Variants in EXOC4 observed in about 807,000 individuals in gnomAD.
The protein encoded by EXOC4 is SEC8-like 1.
EXOC4 carries 71 observed loss-of-function variants against 107.2 expected under a neutral mutation model. The ratio of observed to expected loss-of-function variants is 0.66; its 90% CI spans 0.55 to 0.81. EXOC4 has a LOEUF of 0.81. Among genes scored for constraint, EXOC4 ranks in the 30% least tolerant of loss-of-function variants. The pLI is 0.00. For missense variants in EXOC4, 1,108 were observed against 1,189.6 expected (o/e 0.93, Z 1.01); for synonymous variants, 456 against 441.2 (o/e 1.03, Z -0.42).
rs543363242 is a variant in EXOC4, at chr7:133,377,239, A to G, written c.1182+2237A>G. 7.2e-5 allele frequency among the ~76,000 whole-genome samples: 11 copies of G among 152,274 alleles called. No individual in the cohort carries two copies. In the South Asian group the frequency reaches 2.1e-3, roughly 29 times the overall value. On this transcript the variant is annotated intron_variant, in intron 7 of 17. Coordinates refer to ENST00000253861, the MANE Select transcript of EXOC4 (RefSeq NM_021807.4). ...CGTGGTGGCAGGCACCTGTAATCCC[A>G]GCTACTCAGGAAGCTGAGGCAGCAG... is the stretch of plus-strand genomic sequence containing the variant.
chr7:133,666,078 G>A (rs996964052), intron 10 of EXOC4, among the ~76,000 whole-genome samples: 8 of 152,198 alleles, frequency 5.3e-5, no homozygotes, highest in African/African-American at 1.7e-4. Flanking sequence ...AGAGTGCTCT[G>A]CCATATTGAT....
chr7:133,859,636 C>T (rs891546491), intron 11 of EXOC4, among the ~76,000 whole-genome samples: 1 of 152,152 alleles, frequency 6.6e-6, no homozygotes, highest in Non-Finnish European at 1.5e-5. Context: ...TCATGCCATC[C>T]TTGAACACTT....
At chr7:133,629,349 C>G (rs1363612880) in intron 9 of EXOC4, among the ~76,000 whole-genome samples, 1 of 152,120 alleles carries the variant, frequency 6.6e-6, no homozygotes, top group African/African-American at 2.4e-5. Context: ...GAATGGCAGG[C>G]ACTTCATCCT....
intron 1 of EXOC4, among the ~76,000 whole-genome samples, chr7:133,272,080 A>G (rs1018897384): frequency 3.0e-4 from 45 of 152,264 alleles, no homozygotes; most frequent in African/African-American, 8.9e-4. Flanking sequence ...AACGACAACA[A>G]CCAACATTTG....
At chr7:133,428,306 C>T (rs1017865118) in intron 7 of EXOC4, among the ~76,000 whole-genome samples, 6 of 152,174 alleles carry the variant, frequency 3.9e-5, no homozygotes, top group Admixed American at 6.5e-5. Flanking sequence ...CCACACTGAG[C>T]GTTAAGGAGT....
chr7:133,625,625 A>G (rs2151010615), intron 9 of EXOC4, among the ~76,000 whole-genome samples: 1 of 152,342 alleles, frequency 6.6e-6, no homozygotes, highest in Non-Finnish European at 1.5e-5. Context: ...AAGTAAATGA[A>G]TTCTAAAAGA....
intron 6 of EXOC4, among the ~76,000 whole-genome samples, chr7:133,370,983 G>A (rs1395889450): frequency 1.3e-5 from 2 of 152,158 alleles, no homozygotes; most frequent in Admixed American, 1.3e-4. Flanking sequence ...CAGTGTCAGT[G>A]CTGGGAAAGA....
intron 9 of EXOC4, among the ~76,000 whole-genome samples, chr7:133,509,561 TG>T (rs5887635): frequency 1 from 152,274 of 152,274 alleles, 76,137 homozygotes; most frequent in Non-Finnish European, 1. Context: ...GATGTCTTAG[TG>T]GGCCATCCCG....
chr7:133,662,035 A>T (rs1406112608), intron 10 of EXOC4, among the ~76,000 whole-genome samples: 1 of 151,884 alleles, frequency 6.6e-6, no homozygotes, highest in African/African-American at 2.4e-5. Context: ...CTTCACAAAA[A>T]CTCCACGAAG....
intron 5 of EXOC4, among the ~76,000 whole-genome samples, chr7:133,355,925 T>TA (rs1350873458): frequency 6.6e-6 from 1 of 152,184 alleles, no homozygotes; most frequent in African/African-American, 2.4e-5. Flanking sequence ...TCCAGCGACT[T>TA]ACCACTTTTA....
intron 9 of EXOC4, among the ~76,000 whole-genome samples, chr7:133,574,257 T>A (rs1327112509): frequency 6.6e-6 from 1 of 152,150 alleles, no homozygotes. Context: ...AATCATATAC[T>A]CATGTATAAT....
At chr7:133,901,315 GA>G in intron 12 of EXOC4, among the ~76,000 whole-genome samples, 1 of 152,048 alleles carries the variant, frequency 6.6e-6, no homozygotes, top group South Asian at 2.1e-4. Context: ...GCATGTCATT[GA>G]AAAAATGTCC....
chr7:133,722,820 C>A (rs1322964695), intron 10 of EXOC4, among the ~76,000 whole-genome samples: 1 of 152,106 alleles, frequency 6.6e-6, no homozygotes, highest in African/African-American at 2.4e-5. Context: ...TGAGTTATGC[C>A]CTTACCTCGT....
At chr7:134,087,159 A>C in the EXOC4 span, among the ~76,000 whole-genome samples, 1 of 152,152 alleles carries the variant, frequency 6.6e-6, no homozygotes, top group South Asian at 2.1e-4. Flanking sequence ...ACCCTTATTC[A>C]AGATGGATTT....
intron 7 of EXOC4, among the ~76,000 whole-genome samples, chr7:133,456,211 C>T (rs1410438237): frequency 6.6e-6 from 1 of 152,218 alleles, no homozygotes; most frequent in East Asian, 1.9e-4. Context: ...TTGCAAGTTA[C>T]TGTGACTGAA....
intron 11 of EXOC4, among the ~76,000 whole-genome samples, chr7:133,837,455 G>A (rs1412438497): frequency 6.6e-6 from 1 of 152,146 alleles, no homozygotes; most frequent in Non-Finnish European, 1.5e-5. Flanking sequence ...ATAGGGAGTG[G>A]TAAAAGGTTT....
chr7:133,628,224 A>G (rs1802504231), intron 9 of EXOC4, among the ~76,000 whole-genome samples: 1 of 152,198 alleles, frequency 6.6e-6, no homozygotes, highest in Admixed American at 6.5e-5. Context: ...TCACTTTTAT[A>G]TTGATTTATG....
At chr7:133,951,938 T>C (rs1271505923) in intron 14 of EXOC4, among the ~76,000 whole-genome samples, 2 of 152,134 alleles carry the variant, frequency 1.3e-5, no homozygotes, top group African/African-American at 4.8e-5. Context: ...GGCAGGTGGA[T>C]CACCTGATGT....
chr7:133,747,887 A>G lies in EXOC4; in HGVS notation c.1515-69438A>G, dbSNP rs1184712815. Among the ~76,000 whole-genome samples, 3 of 152,148 alleles carry G rather than the reference A, an allele frequency of 2.0e-5. No individual in the cohort carries two copies. In the East Asian group the frequency reaches 5.8e-4, roughly 29 times the overall value. On this transcript the variant is annotated intron_variant, in intron 10 of 17. Transcript: ENST00000253861. ...AACACAACAGTCAGGGAGAATATCA[A>G]TTATTTTCTTGCCTATCCGTACCAT...
Sources: gnomAD v4.1 joint callset for allele counts (sites outside exome capture counted in the v4.1 genomes callset) on GRCh38, gnomAD v4.1.1 for gene constraint, MANE v1.5 for transcripts, NCBI Gene and HGNC (gene_info 2026-07-23, HGNC 2026-07-21) for gene names.